The following LBHD1 variants were observed in gnomAD, a reference collection of about 807,000 sequenced individuals.
LBHD1 encodes the protein LBH domain containing 1, also known as LBH domain-containing protein 1.
LBHD1 carries 28 observed loss-of-function variants against 31.1 expected under a neutral mutation model. That is an observed-to-expected ratio of 0.90 (90% CI 0.67 to 1.24). LBHD1 has a LOEUF of 1.24. LBHD1 is among the 50% of genes most tolerant of loss of function. LBHD1 has a pLI of 0.00. For missense variants in LBHD1, 350 were observed against 323.0 expected (o/e 1.08, Z -0.64); for synonymous variants, 105 against 116.5 (o/e 0.90, Z 0.63).
At chr11:62,665,237 C>G in intron 4 of LBHD1, 1 of 764,758 alleles carries the variant, frequency 1.3e-6, no homozygotes, top group Admixed American at 2.1e-5. Flanking sequence ...GGCTCCGCCC[C>G]GGCCTTCCGC....
chr11:62,666,189 A>T (rs772177240), intron 4 of LBHD1: 38 of 718,898 alleles, frequency 5.3e-5, no homozygotes, highest in Non-Finnish European at 7.7e-5. Context: ...CTACAAAAAA[A>T]ATTAACCGGG....
At chr11:62,666,820 C>A (rs1944828602) in intron 4 of LBHD1, 1 of 1,614,210 alleles carries the variant, frequency 6.2e-7, no homozygotes. Flanking sequence ...TGGACAAAGG[C>A]ACATGGGATG....
In LBHD1 at chr11:62,663,070, C is replaced by T; in HGVS notation, c.*59G>A. ...GAGGTTTAGCTCTCATCTTCAAGGTCCTTCATTTCTACATCCTGGGGGGCT... is the reference window on the plus strand; with the variant it reads ...GAGGTTTAGCTCTCATCTTCAAGGTTCTTCATTTCTACATCCTGGGGGGCT... On this transcript the variant is annotated 3_prime_UTR_variant, in exon 7 of 7. Coordinates refer to ENST00000354588, the MANE Select transcript of LBHD1 (RefSeq NM_024099.5). The T allele has an allele frequency of 6.2e-7, 1 of 1,601,036 alleles. No individual in the cohort carries two copies. Among genetic ancestry groups the T allele is most frequent in the South Asian group, 1.1e-5 (1 of 90,720 alleles).
At chr11:62,667,823 G>A in intron 3 of LBHD1, 76 bp from the exon 4 acceptor site, 1 of 1,054,126 alleles carries the variant, frequency 9.5e-7, no homozygotes, top group Admixed American at 2.0e-5. Flanking sequence ...AGGCATGCTG[G>A]CTCATACCTA....
chr11:62,665,854 C>T (rs1464077150), intron 4 of LBHD1: 3 of 1,610,172 alleles, frequency 1.9e-6, no homozygotes, highest in South Asian at 1.1e-5. Flanking sequence ...ATAAGCTTCT[C>T]TGGTCGAACT....
chr11:62,670,157 G>A (rs1176792842), intron 1 of LBHD1, 116 bp from the exon 2 acceptor site: 5 of 1,095,492 alleles, frequency 4.6e-6, no homozygotes, highest in East Asian at 4.9e-5. Flanking sequence ...TGTGCTAAGC[G>A]ATTATACGCT....
In LBHD1 at chr11:62,671,870, A is replaced by C. The variant is rs1179062144; in HGVS notation, c.-317T>G. On this transcript the variant is annotated 5_prime_UTR_variant, in exon 1 of 7. Coordinates refer to ENST00000354588, the MANE Select transcript of LBHD1 (RefSeq NM_024099.5). Reference sequence around the variant, plus strand: ...CGGAAGCAGGAAATGCTAAAGGTAGAAGCAACTGGTAGTCCCGAGGAAGGG... The same window carrying C: ...CGGAAGCAGGAAATGCTAAAGGTAGCAGCAACTGGTAGTCCCGAGGAAGGG... 6.2e-7 allele frequency: 1 copy of C among 1,613,902 alleles called. No homozygotes were observed. The highest frequency in any genetic ancestry group is 1.1e-5 in the South Asian group (1 of 91,088).
intron 4 of LBHD1, chr11:62,665,349 C>A (rs548872535): frequency 1.6e-5 from 13 of 817,486 alleles, no homozygotes; most frequent in Non-Finnish European, 2.2e-5. Flanking sequence ...GTGGTTTTAG[C>A]TGTAGTAGCC....
In LBHD1 at chr11:62,671,987, A is replaced by C. The variant is rs766527334; in HGVS notation, c.-434T>G. 9.3e-6 allele frequency: 15 copies of C among 1,613,740 alleles called. No homozygotes were observed. The Admixed American group carries it at 1.8e-4, about 20-fold the overall frequency. ...CTGCAGGACCCAAGGAGCAGGGAGG[A>C]GGCGGCCAGGACCCAGCAGCTATTG... On this transcript the variant is annotated 5_prime_UTR_variant, in exon 1 of 7. Coordinates refer to ENST00000354588, the MANE Select transcript of LBHD1 (RefSeq NM_024099.5).
At chr11:62,668,981 C>T (rs952690667) in intron 3 of LBHD1, among the ~76,000 whole-genome samples, 1 of 151,504 alleles carries the variant, frequency 6.6e-6, no homozygotes, top group African/African-American at 2.4e-5. Context: ...GGCTGGAGTG[C>T]AGTGGTGGGA....
chr11:62,666,952 C>T, intron 4 of LBHD1: 3 of 1,614,170 alleles, frequency 1.9e-6, no homozygotes, highest in Non-Finnish European at 2.5e-6. Flanking sequence ...GACTGCCCTG[C>T]CTGGAACAAG....
chr11:62,663,794 C>T (rs750896924), intron 5 of LBHD1, among the ~76,000 whole-genome samples: 3 of 150,980 alleles, frequency 2.0e-5, no homozygotes, highest in Non-Finnish European at 4.4e-5. Context: ...GGACATAGAT[C>T]GGGGGCGGTG....
chr11:62,664,846 T>C lies in LBHD1; in HGVS notation c.663+3A>G. The C allele has an allele frequency of 6.4e-7, 1 of 1,563,538 alleles. No homozygotes were observed. Among genetic ancestry groups the C allele is most frequent in the Non-Finnish European group, 8.7e-7 (1 of 1,153,672 alleles). On this transcript the variant is annotated splice_donor_region_variant and intron_variant, in intron 5 of 6. Coordinates refer to ENST00000354588, the MANE Select transcript of LBHD1 (RefSeq NM_024099.5). ...ACCAACAGGAAGAGGGTCTAGTACT[T>C]ACGCCCGCTTCTTGAGGTGGTGCCG...
chr11:62,666,025 G>A (rs565551567), intron 4 of LBHD1: 2 of 1,462,682 alleles, frequency 1.4e-6, no homozygotes, highest in African/African-American at 2.8e-5. Flanking sequence ...CGTGAGTCAG[G>A]AGTGTAGTCC....
chr11:62,666,729 C>T (rs1565127782), intron 4 of LBHD1: 3 of 1,614,116 alleles, frequency 1.9e-6, no homozygotes, highest in Non-Finnish European at 2.5e-6. Context: ...CCTGGACACC[C>T]TGCCTCAAGC....
chr11:62,671,779 G>A lies in LBHD1; in HGVS notation c.-226C>T, dbSNP rs760276561. On this transcript the variant is annotated 5_prime_UTR_variant, in exon 1 of 7. Coordinates refer to ENST00000354588, the MANE Select transcript of LBHD1 (RefSeq NM_024099.5). ...CTTGCGGAAAATGCTGATCTCAGTCGCAATGCTGGGCGCAGGGGCTGGCGT... is the reference window on the plus strand; with the variant it reads ...CTTGCGGAAAATGCTGATCTCAGTCACAATGCTGGGCGCAGGGGCTGGCGT... The A allele has an allele frequency of 2.5e-6, 4 of 1,614,102 alleles. No individual in the cohort carries two copies. The highest frequency in any genetic ancestry group is 1.3e-5 in the African/African-American group (1 of 75,048).
In LBHD1 at chr11:62,671,758, C is replaced by T. The variant is rs1401473153; in HGVS notation, c.-205G>A. 1 of 1,613,802 alleles carries T rather than the reference C, an allele frequency of 6.2e-7. No homozygotes were observed. The highest frequency in any genetic ancestry group is 8.5e-7 in the Non-Finnish European group (1 of 1,179,880). On this transcript the variant is annotated 5_prime_UTR_variant, in exon 1 of 7. Coordinates refer to ENST00000354588, the MANE Select transcript of LBHD1 (RefSeq NM_024099.5). ...TGTGCAGGCGGCCATGGATTCCTTG[C>T]GGAAAATGCTGATCTCAGTCGCAAT...
chr11:62,664,893 C>T lies in LBHD1; in HGVS notation c.619G>A (p.Asp207Asn), dbSNP rs746661483. 3.1e-6 allele frequency: 5 copies of T among 1,590,720 alleles called. No individual in the cohort carries two copies. Among genetic ancestry groups the T allele is most frequent in the Non-Finnish European group, 3.4e-6 (4 of 1,168,766 alleles). The stretch of plus-strand genomic sequence containing the variant: ...GCCGCGTGATCAGCCCTTGGTCTAT[C>T]ACAGCCCCGACCACCCGGTGCCTCA... Reference protein sequence around the residue: ...ASEAPGGRGCDRPRADHAAPP... With the variant: ...ASEAPGGRGCNRPRADHAAPP... Residue 207 changes from aspartate to asparagine, a missense_variant, in exon 5 of 7, where the codon GAT (aspartate) becomes AAT (asparagine). Physicochemically the swap from Asp to Asn is conservative, Grantham distance 23. Coordinates refer to ENST00000354588, the MANE Select transcript of LBHD1 (RefSeq NM_024099.5).
At chr11:62,667,047 A>G in intron 4 of LBHD1, 1 of 1,594,182 alleles carries the variant, frequency 6.3e-7, no homozygotes, top group East Asian at 2.2e-5. Flanking sequence ...CAAGGCTCTC[A>G]TTAAAGACAT....
Sources: allele counts gnomAD v4.1 joint callset (sites outside exome capture counted in the v4.1 genomes callset), GRCh38; gene constraint gnomAD v4.1.1; transcripts MANE v1.5; gene names NCBI Gene and HGNC (gene_info 2026-07-23, HGNC 2026-07-21).